Variants in DCC observed in about 807,000 individuals in gnomAD.
DCC encodes the protein DCC netrin 1 receptor, also known as netrin receptor DCC.
Under a neutral mutation model 172.5 loss-of-function variants are expected in DCC, and 58 were observed. The ratio of observed to expected loss-of-function variants is 0.34; its 90% CI spans 0.27 to 0.42. DCC has a LOEUF of 0.42. DCC is among the 10% of genes least tolerant of loss of function. DCC has a pLI of 1.00. For synonymous variants in DCC, 709 were observed against 644.5 expected (o/e 1.10, Z -1.52); for missense variants, 1,740 against 1,791.0 (o/e 0.97, Z 0.51).
At position 53,450,566 on chromosome 18, in the gene DCC, T is replaced by G; in HGVS notation, c.3296T>G (p.Leu1099Arg). 6.2e-7 allele frequency: 1 copy of G among 1,614,056 alleles called. No individual in the cohort carries two copies. The highest frequency in any genetic ancestry group is 8.5e-7 in the Non-Finnish European group (1 of 1,179,972). The change falls in exon 23 of 29, where the codon CTT (leucine) becomes CGT (arginine). Residue 1099 changes from leucine to arginine, a missense_variant. Around this residue, in one of 2 missense-constraint regions of DCC, gnomAD observed 1,732 missense variants for 1,767.4 expected, o/e 0.98. Transcript: ENST00000442544. The part of the protein sequence containing the change: ...SVTPQKNSNL[L>R]VIIVVTVGVI... ...ACTCCTCAGAAGAACAGCAACCTGC[T>G]TGTGATCATTGTGGTCACCGTTGGT...
intron 2 of DCC, among the ~76,000 whole-genome samples, chr18:52,808,051 C>T (rs1022985887): frequency 2.0e-5 from 3 of 152,206 alleles, no homozygotes; most frequent in African/African-American, 7.2e-5. Flanking sequence ...CTAAAACCCA[C>T]ACATCAAATG....
intron 5 of DCC, among the ~76,000 whole-genome samples, chr18:52,939,830 G>A (rs1423480157): frequency 1.3e-5 from 2 of 152,134 alleles, no homozygotes; most frequent in African/African-American, 4.8e-5. Context: ...GCCCTTGGGT[G>A]CAGAAAAGAA....
In DCC at chr18:52,529,616, T is replaced by G. The variant is rs150160375; in HGVS notation, c.91+188738T>G. Among the ~76,000 whole-genome samples, 639 of 152,346 alleles carry G rather than the reference T, an allele frequency of 4.2e-3. 1 individual carries two copies. Among genetic ancestry groups the G allele is most frequent in the Non-Finnish European group, 6.8e-3 (465 of 68,032 alleles). On this transcript the variant is annotated intron_variant, in intron 1 of 28. Coordinates refer to ENST00000442544, the MANE Select transcript of DCC (RefSeq NM_005215.4). ...GCAGCTGTTTACTGCAGTAACACGC[T>G]GTTATTTCCTCAAGTTCTTCCAGGT... is the stretch of plus-strand genomic sequence containing the variant.
intron 2 of DCC, among the ~76,000 whole-genome samples, chr18:52,771,706 G>A (rs1027824028): frequency 6.6e-6 from 1 of 152,020 alleles, no homozygotes; most frequent in African/African-American, 2.4e-5. Context: ...GCAGTTTTTT[G>A]CACTTGATCT....
rs188119748 is a variant in DCC at position 52,718,389 on chromosome 18, G to T, written c.92-33665G>T. Among the ~76,000 whole-genome samples the T allele has an allele frequency of 2.5e-3, 381 of 152,270 alleles. 1 individual carries two copies. Among genetic ancestry groups the T allele is most frequent in the African/African-American group, 9.0e-3 (375 of 41,554 alleles). The stretch of plus-strand genomic sequence containing the variant: ...TTTTTTCCTTGCAAAAATCAAATTT[G>T]GTTTAAGGATGACAGGGCAAGGTTT... On this transcript the variant is annotated intron_variant, in intron 1 of 28. Coordinates refer to ENST00000442544, the MANE Select transcript of DCC (RefSeq NM_005215.4).
intron 1 of DCC, among the ~76,000 whole-genome samples, chr18:52,509,865 G>C (rs1145260): frequency 0.25 from 37,437 of 152,076 alleles, 4,816 homozygotes; most frequent in African/African-American, 0.32. Flanking sequence ...CACTTTGGGA[G>C]GCCAAGGCAT....
chr18:53,517,432 A>G (rs868350227), intron 27 of DCC, among the ~76,000 whole-genome samples: 4 of 141,406 alleles, frequency 2.8e-5, no homozygotes, highest in Middle Eastern at 3.6e-3. Context: ...CATGTACCCT[A>G]AAACTTAAAA....
At chr18:52,388,060 G>A (rs1568145419) in intron 1 of DCC, among the ~76,000 whole-genome samples, 2 of 151,960 alleles carry the variant, frequency 1.3e-5, no homozygotes, top group Non-Finnish European at 2.9e-5. Flanking sequence ...CCTGGTACCA[G>A]GCAGGGCTCA....
intron 12 of DCC, among the ~76,000 whole-genome samples, chr18:53,266,995 A>C (rs546351685): frequency 2.0e-5 from 3 of 151,978 alleles, no homozygotes; most frequent in African/African-American, 7.2e-5. Context: ...TTTATGTACA[A>C]GTTTTTGTGT....
chr18:52,778,631 T>C (rs558027318), intron 2 of DCC, among the ~76,000 whole-genome samples: 2 of 152,286 alleles, frequency 1.3e-5, no homozygotes, highest in Admixed American at 1.3e-4. Context: ...AGCTCGCAGA[T>C]TTTGATAATT....
intron 13 of DCC, among the ~76,000 whole-genome samples, chr18:53,307,597 C>T (rs930270398): frequency 1.1e-4 from 17 of 151,792 alleles, no homozygotes; most frequent in African/African-American, 3.9e-4. Context: ...AAATTAATTT[C>T]TTACTATAAA....
chr18:52,734,993 G>T (rs193178659), intron 1 of DCC, among the ~76,000 whole-genome samples: 25 of 152,232 alleles, frequency 1.6e-4, no homozygotes, highest in African/African-American at 5.8e-4. Context: ...TTTCTTCATA[G>T]ATTCCATTAT....
At chr18:53,049,724 G>A (rs1295138466) in intron 5 of DCC, among the ~76,000 whole-genome samples, 2 of 151,792 alleles carry the variant, frequency 1.3e-5, no homozygotes, top group Non-Finnish European at 2.9e-5. Flanking sequence ...TTCTAAGTCT[G>A]TGAAAAATAT....
chr18:53,511,945 G>A (rs550780839), intron 27 of DCC, among the ~76,000 whole-genome samples: 137 of 152,332 alleles, frequency 9.0e-4, no homozygotes, highest in South Asian at 6.0e-3. Flanking sequence ...CAGGAAGCTC[G>A]AACTGGGTGG....
chr18:52,410,997 T>C (rs1256429457), intron 1 of DCC, among the ~76,000 whole-genome samples: 1 of 152,130 alleles, frequency 6.6e-6, no homozygotes, highest in Non-Finnish European at 1.5e-5. Context: ...TTCCAGGATA[T>C]TTTTTACTTG....
chr18:53,358,671 C>T (rs1370868110), intron 15 of DCC, among the ~76,000 whole-genome samples: 1 of 151,428 alleles, frequency 6.6e-6, no homozygotes, highest in African/African-American at 2.4e-5. Flanking sequence ...CAGGTGCCTG[C>T]CACCACACCA....
chr18:53,316,218 C>A (rs934258734), intron 13 of DCC, among the ~76,000 whole-genome samples: 1 of 152,114 alleles, frequency 6.6e-6, no homozygotes, highest in African/African-American at 2.4e-5. Flanking sequence ...GGAATCCTTT[C>A]CCCATTGCTT....
intron 1 of DCC, among the ~76,000 whole-genome samples, chr18:52,610,875 C>T (rs953802828): frequency 5.3e-5 from 8 of 151,926 alleles, no homozygotes; most frequent in African/African-American, 1.7e-4. Flanking sequence ...CAGTGCATAG[C>T]TATATGAAAA....
intron 1 of DCC, among the ~76,000 whole-genome samples, chr18:52,648,732 T>C (rs910254135): frequency 5.3e-5 from 8 of 152,020 alleles, no homozygotes; most frequent in African/African-American, 1.7e-4. Flanking sequence ...TAAGAAAAAA[T>C]AAACTTGAAA....
Sources: gnomAD v4.1 joint callset for allele counts (sites outside exome capture counted in the v4.1 genomes callset) on GRCh38, gnomAD v4.1.1 for gene constraint, gnomAD v4.1.1 regional missense constraint, MANE v1.5 for transcripts, NCBI Gene and HGNC (gene_info 2026-07-23, HGNC 2026-07-21) for gene names.